DCC: variants seen among roughly 807,000 people sequenced by gnomAD.
The protein encoded by DCC is netrin receptor DCC.
In DCC, 58 loss-of-function variants were observed where a neutral mutation model predicts 172.5. The ratio of observed to expected loss-of-function variants is 0.34; its 90% CI spans 0.27 to 0.42. The LOEUF (loss-of-function observed/expected upper bound fraction) is 0.42, where lower values mean the gene tolerates loss of function less well. Ranked by LOEUF, DCC falls within the 10% of genes least tolerant of loss-of-function variation. The pLI is 1.00. For synonymous variants in DCC, 709 were observed against 644.5 expected (o/e 1.10, Z -1.52); for missense variants, 1,740 against 1,791.0 (o/e 0.97, Z 0.51).
chr18:52,720,990 T>C (rs1330743847), intron 1 of DCC, among the ~76,000 whole-genome samples: 2 of 152,182 alleles, frequency 1.3e-5, no homozygotes, highest in Non-Finnish European at 2.9e-5. Context: ...GTCTGAAGGA[T>C]ACCTAGTGTT....
chr18:52,758,428 G>A (rs1322489274), intron 2 of DCC, among the ~76,000 whole-genome samples: 2 of 152,036 alleles, frequency 1.3e-5, no homozygotes, highest in African/African-American at 4.8e-5. Context: ...TACAATAGAT[G>A]TTCAAGATGC....
chr18:52,776,286 AAAG>A (rs141080512), intron 2 of DCC, among the ~76,000 whole-genome samples: 15 of 136,688 alleles, frequency 1.1e-4, no homozygotes, highest in East Asian at 4.0e-4. Flanking sequence ...AGAAACTCCA[AAAG>A]AAGAACAAAA....
chr18:53,301,014 ACT>A (rs1331904075), intron 12 of DCC, among the ~76,000 whole-genome samples: 11 of 32,804 alleles, frequency 3.4e-4, no homozygotes, highest in Non-Finnish European at 7.1e-4. Context: ...CTTTCTTTTC[ACT>A]CTTTCTTTTC....
chr18:53,323,109 G>A (rs1466414632), intron 14 of DCC, among the ~76,000 whole-genome samples: 1 of 152,042 alleles, frequency 6.6e-6, no homozygotes, highest in Non-Finnish European at 1.5e-5. Flanking sequence ...AGTAAAAATT[G>A]AGAGTAAAAA....
intron 15 of DCC, among the ~76,000 whole-genome samples, chr18:53,367,098 A>T (rs1347335050): frequency 6.6e-6 from 1 of 152,236 alleles, no homozygotes; most frequent in Non-Finnish European, 1.5e-5. Context: ...AAGAATGGAC[A>T]AGTATGTGAA....
At chr18:53,099,273 C>T (rs2043129223) in intron 7 of DCC, among the ~76,000 whole-genome samples, 1 of 152,076 alleles carries the variant, frequency 6.6e-6, no homozygotes, top group African/African-American at 2.4e-5. Context: ...CATGTGGACT[C>T]ATGATCTTTA....
At chr18:53,158,103 A>C (rs952829642) in intron 8 of DCC, among the ~76,000 whole-genome samples, 1 of 151,714 alleles carries the variant, frequency 6.6e-6, no homozygotes, top group Non-Finnish European at 1.5e-5. Flanking sequence ...ATGTACATCT[A>C]TTATGTCCCC....
intron 25 of DCC, among the ~76,000 whole-genome samples, chr18:53,477,691 A>G (rs1345220965): frequency 6.6e-6 from 1 of 152,244 alleles, no homozygotes; most frequent in Non-Finnish European, 1.5e-5. Context: ...TAAAACTCAC[A>G]GAGAAAATGT....
At chr18:53,258,846 G>C (rs1482884114) in intron 12 of DCC, among the ~76,000 whole-genome samples, 1 of 152,154 alleles carries the variant, frequency 6.6e-6, no homozygotes, top group Non-Finnish European at 1.5e-5. Flanking sequence ...GGGAGTCTAA[G>C]TCTCTTTGTA....
rs184797783 is a variant in DCC at position 52,798,951 on chromosome 18, G to A, written c.412+46577G>A. ...TTTAGTAGAGATGAGGTTTCACTATGTTGGCCAGGCTGGTCTCGAACTCCT... is the reference window on the plus strand; with the variant it reads ...TTTAGTAGAGATGAGGTTTCACTATATTGGCCAGGCTGGTCTCGAACTCCT... On this transcript the variant is annotated intron_variant, in intron 2 of 28. Coordinates refer to ENST00000442544, the MANE Select transcript of DCC (RefSeq NM_005215.4). Among the ~76,000 whole-genome samples, 10 of 152,096 alleles carry A rather than the reference G, an allele frequency of 6.6e-5. No individual in the cohort carries two copies. The East Asian group carries it at 1.7e-3, about 27-fold the overall frequency.
intron 10 of DCC, among the ~76,000 whole-genome samples, chr18:53,206,118 T>C (rs2055622597): frequency 0.011 from 1 of 88 alleles, no homozygotes; most frequent in Non-Finnish European, 0.026. Flanking sequence ...AATACATATA[T>C]AAGCATAATA....
chr18:52,863,263 T>A (rs2039172041), intron 2 of DCC, among the ~76,000 whole-genome samples: 1 of 151,972 alleles, frequency 6.6e-6, no homozygotes, highest in African/African-American at 2.4e-5. Flanking sequence ...TACAGAATTG[T>A]TTCTCTTGTA....
chr18:52,923,610 T>C (rs1307605921), intron 3 of DCC, 97 bp from the exon 4 acceptor site: 1 of 986,154 alleles, frequency 1.0e-6, no homozygotes, highest in East Asian at 2.5e-5. Context: ...TCTTTTCATT[T>C]TTCTTTCCAT....
intron 5 of DCC, among the ~76,000 whole-genome samples, chr18:52,981,895 GA>G (rs2041216638): frequency 6.6e-6 from 1 of 152,116 alleles, no homozygotes; most frequent in African/African-American, 2.4e-5. Context: ...TTGGGGAAGT[GA>G]AATTTAAGCA....
At chr18:52,390,413 G>T (rs1985985919) in intron 1 of DCC, among the ~76,000 whole-genome samples, 1 of 152,072 alleles carries the variant, frequency 6.6e-6, no homozygotes, top group Non-Finnish European at 1.5e-5. Context: ...CTCCTGGGAA[G>T]CCTGGCAGAG....
intron 2 of DCC, chr18:52,756,915 T>C (rs971937794): frequency 6.6e-6 from 1 of 152,234 alleles, no homozygotes; most frequent in East Asian, 1.9e-4. Context: ...TTATTAGGAA[T>C]GAACAACTTT....
chr18:52,491,600 C>G (rs1171480543), intron 1 of DCC, among the ~76,000 whole-genome samples: 2 of 152,096 alleles, frequency 1.3e-5, no homozygotes, highest in African/African-American at 4.8e-5. Context: ...TTGAAGAAGG[C>G]ATTTCAATAG....
chr18:53,105,931 G>C (rs570787501), intron 7 of DCC, among the ~76,000 whole-genome samples: 3 of 151,018 alleles, frequency 2.0e-5, no homozygotes, highest in Non-Finnish European at 4.4e-5. Context: ...TTGTCTGTTC[G>C]CCTTCTTTCA....
chr18:52,852,245 A>G (rs2038986122), intron 2 of DCC, among the ~76,000 whole-genome samples: 1 of 152,132 alleles, frequency 6.6e-6, no homozygotes, highest in South Asian at 2.1e-4. Flanking sequence ...AGGATATTGC[A>G]TCAATATACT....
Sources: gnomAD v4.1 joint callset for allele counts (sites outside exome capture counted in the v4.1 genomes callset) on GRCh38, gnomAD v4.1.1 for gene constraint, MANE v1.5 for transcripts, NCBI Gene and HGNC (gene_info 2026-07-23, HGNC 2026-07-21) for gene names.